Variants in AKT3 observed in about 807,000 individuals in gnomAD.
The protein encoded by AKT3 is AKT serine/threonine kinase 3.
A neutral mutation model predicts 65.3 loss-of-function variants in AKT3; 15 were observed. The observed-to-expected ratio is 0.23, with a 90% CI of 0.15 to 0.35. AKT3 has a LOEUF of 0.35. AKT3 is among the 10% of genes least tolerant of loss of function. The pLI, the probability that AKT3 is intolerant of heterozygous loss-of-function variation, is 1.00. For synonymous variants in AKT3, 206 were observed against 183.8 expected, an observed-to-expected ratio of 1.12 and a Z score of -0.98; for missense variants, 243 against 576.5, an observed-to-expected ratio of 0.42 and a Z score of 5.92.
chr1:243,848,935 G>A (rs1183444821), intron 1 of AKT3, among the ~76,000 whole-genome samples: 1 of 152,226 alleles, frequency 6.6e-6, no homozygotes, highest in Non-Finnish European at 1.5e-5. Flanking sequence ...AGAAATGTGA[G>A]CATCCCAGCT....
At chr1:243,529,134 A>ACTT (rs1411932331) in intron 12 of AKT3, among the ~76,000 whole-genome samples, 4 of 146,062 alleles carry the variant, frequency 2.7e-5, no homozygotes, top group African/African-American at 1.0e-4. Context: ...TCCCTTGCCC[A>ACTT]CTTTGTAATG....
At chr1:243,511,130 C>T (rs1669985593) in intron 13 of AKT3, among the ~76,000 whole-genome samples, 1 of 152,270 alleles carries the variant, frequency 6.6e-6, no homozygotes, top group Non-Finnish European at 1.5e-5. Flanking sequence ...ATGAGTAGCT[C>T]ACTTCAATGG....
chr1:243,833,055 T>C (rs922024742), intron 2 of AKT3, among the ~76,000 whole-genome samples: 1 of 151,672 alleles, frequency 6.6e-6, no homozygotes, highest in Non-Finnish European at 1.5e-5. Flanking sequence ...AGGTCAGGAG[T>C]TCGAGACCAG....
intron 6 of AKT3, among the ~76,000 whole-genome samples, chr1:243,636,478 G>A (rs1679980036): frequency 6.6e-6 from 1 of 151,862 alleles, no homozygotes; most frequent in East Asian, 1.9e-4. Context: ...AATAATAAGT[G>A]CCAGCTAGGA....
At chr1:243,587,685 A>G (rs1037527615) in intron 8 of AKT3, among the ~76,000 whole-genome samples, 6 of 152,348 alleles carry the variant, frequency 3.9e-5, no homozygotes, top group Admixed American at 3.3e-4. Context: ...ATATTTTCAG[A>G]AGTATATACA....
rs116103487 is a variant in AKT3, at chr1:243,605,656, G to A, written c.696+8015C>T. Reference sequence around the variant, plus strand: ...TGATGAAATTCCATTGTACCAATACGACCGTAAGAAGTTAGGGCTGATTTT... The same window carrying A: ...TGATGAAATTCCATTGTACCAATACAACCGTAAGAAGTTAGGGCTGATTTT... On this transcript the variant is annotated intron_variant, in intron 8 of 13. Coordinates refer to ENST00000673466, the MANE Select transcript of AKT3 (RefSeq NM_005465.7). Among the ~76,000 whole-genome samples the A allele has an allele frequency of 3.7e-3, 557 of 152,114 alleles. 4 individuals carry two copies. The highest frequency in any genetic ancestry group is 0.013 in the African/African-American group (525 of 41,458).
chr1:243,505,970 C>T (rs1236147986), intron 13 of AKT3, among the ~76,000 whole-genome samples: 1 of 152,250 alleles, frequency 6.6e-6, no homozygotes, highest in Non-Finnish European at 1.5e-5. Context: ...TCAAAACAGG[C>T]CGCTGACAAT....
At chr1:243,523,260 AACACACACACAC>A (rs547403507) in intron 12 of AKT3, among the ~76,000 whole-genome samples, 120 of 126,510 alleles carry the variant, frequency 9.5e-4, no homozygotes, top group South Asian at 3.0e-3. Flanking sequence ...AAAAAGGACG[AACACACACACAC>A]ACACACACAC....
chr1:243,700,781 C>T (rs1417982799), intron 2 of AKT3, among the ~76,000 whole-genome samples: 2 of 152,248 alleles, frequency 1.3e-5, no homozygotes, highest in African/African-American at 2.4e-5. Flanking sequence ...GGATTACAGG[C>T]GTGAGCCACT....
intron 9 of AKT3, among the ~76,000 whole-genome samples, chr1:243,564,432 A>C (rs1024594884): frequency 6.6e-6 from 1 of 152,236 alleles, no homozygotes; most frequent in Non-Finnish European, 1.5e-5. Context: ...CAAACATTCA[A>C]CAGTTAATAA....
intron 2 of AKT3, among the ~76,000 whole-genome samples, chr1:243,733,912 A>G (rs1001978957): frequency 2.0e-5 from 3 of 152,240 alleles, no homozygotes; most frequent in Non-Finnish European, 4.4e-5. Context: ...GCAAAGTGCA[A>G]TTAAACAAAG....
intron 2 of AKT3, chr1:243,808,324 G>C (rs1692888044): frequency 6.6e-6 from 1 of 152,162 alleles, no homozygotes; most frequent in Admixed American, 6.5e-5. Flanking sequence ...CCAATGCAGA[G>C]AAGTCCTTAA....
At chr1:243,695,756 G>A (rs535228449) in intron 2 of AKT3, 40 bp from the exon 3 acceptor site, 2 of 1,532,578 alleles carry the variant, frequency 1.3e-6, no homozygotes, top group South Asian at 2.6e-5. Context: ...TGAAAAAAAT[G>A]AACAGCAGCT....
At chr1:243,770,248 C>T (rs1374488361) in intron 2 of AKT3, among the ~76,000 whole-genome samples, 1 of 152,102 alleles carries the variant, frequency 6.6e-6, no homozygotes, top group Admixed American at 6.5e-5. Context: ...GTGAGTTGAA[C>T]AGCCAACTCC....
chr1:243,495,276 C>T (rs889339068), downstream of AKT3, among the ~76,000 whole-genome samples: 3 of 152,206 alleles, frequency 2.0e-5, no homozygotes, highest in East Asian at 1.9e-4. Context: ...AAGTCCAGCT[C>T]GAGATGCTGT....
intron 6 of AKT3, chr1:243,625,163 G>C (rs960417252): frequency 7.7e-6 from 1 of 130,104 alleles, no homozygotes; most frequent in Non-Finnish European, 1.5e-5. Context: ...AGGGAGTCTC[G>C]CTGTGTCTCC....
intron 11 of AKT3, among the ~76,000 whole-genome samples, chr1:243,548,844 G>A (rs1021603045): frequency 2.6e-5 from 4 of 152,160 alleles, no homozygotes; most frequent in Non-Finnish European, 5.9e-5. Flanking sequence ...AATGATAGTT[G>A]ACCCTTGGAT....
intron 1 of AKT3, among the ~76,000 whole-genome samples, chr1:243,849,133 T>C (rs1368364670): frequency 6.6e-6 from 1 of 152,144 alleles, no homozygotes; most frequent in Admixed American, 6.5e-5. Context: ...GGCTTCAACT[T>C]TGGGCTCTGA....
chr1:243,664,797 A>G lies in AKT3; in HGVS notation c.259T>C (p.Phe87Leu), dbSNP rs1182923739. ...LQWTTVIERT[F>L]HVDTPEEREE... ...CTTTCCTCTGGAGTATCTACATGAA[A>G]TGTTCTCTCTATAACAGTAGTCCAC... The change falls in exon 4 of 14, where the codon TTT becomes CTT. Residue 87 changes from phenylalanine (F) to leucine (L), a missense_variant. Phe to Leu is a conservative substitution (Grantham distance 22). Transcript: ENST00000673466. 9 of 1,546,102 alleles carry G rather than the reference A, an allele frequency of 5.8e-6. No individual in the cohort carries two copies. Among genetic ancestry groups the G allele is most frequent in the South Asian group, 1.3e-5 (1 of 77,582 alleles).
Sources: allele counts gnomAD v4.1 joint callset (sites outside exome capture counted in the v4.1 genomes callset), GRCh38; gene constraint gnomAD v4.1.1; transcripts MANE v1.5; gene names NCBI Gene and HGNC (gene_info 2026-07-23, HGNC 2026-07-21).